Variants in ZC3H12B observed in about 807,000 individuals in gnomAD.
The protein encoded by ZC3H12B is zinc finger CCCH-type containing 12B.
In ZC3H12B, 7 loss-of-function variants were observed where a neutral mutation model predicts 43.9. The ratio of observed to expected loss-of-function variants is 0.16; its 90% CI spans 0.09 to 0.30. The LOEUF (loss-of-function observed/expected upper bound fraction) is 0.30. ZC3H12B is among the 10% of genes least tolerant of loss of function. ZC3H12B has a pLI of 1.00. For synonymous variants in ZC3H12B, 222 were observed against 241.7 expected (o/e 0.92, Z 0.76); for missense variants, 475 against 670.2 (o/e 0.71, Z 3.22).
At chrX:65,452,841 AACAC>A (rs111853414) in intron 3 of ZC3H12B, among the ~76,000 whole-genome samples, 13,244 of 92,101 alleles carry the variant, frequency 0.14, 2,282 homozygotes, top group African/African-American at 0.49. Flanking sequence ...ACTCCATCTA[AACAC>A]ACACACACAC....
chrX:65,472,060 C>T (rs754908390), intron 3 of ZC3H12B, among the ~76,000 whole-genome samples: 2 of 111,549 alleles, frequency 1.8e-5, no homozygotes, highest in Non-Finnish European at 1.9e-5. Flanking sequence ...ATTTCTCCTT[C>T]ATTTATGAAA....
chrX:65,241,072 G>C, the ZC3H12B span, among the ~76,000 whole-genome samples: 2 of 112,031 alleles, frequency 1.8e-5, no homozygotes, highest in Non-Finnish European at 3.8e-5. Flanking sequence ...GCTGGTTTTG[G>C]GTAGAGCAGG....
chrX:65,268,731 G>T, the ZC3H12B span, among the ~76,000 whole-genome samples: 2 of 111,488 alleles, frequency 1.8e-5, no homozygotes, highest in Non-Finnish European at 3.8e-5. Flanking sequence ...AACAATTTAG[G>T]TATAGAAGGA....
At chrX:65,124,738 A>G in the ZC3H12B span, among the ~76,000 whole-genome samples, 5 of 110,825 alleles carry the variant, frequency 4.5e-5, no homozygotes, top group Non-Finnish European at 9.5e-5. Flanking sequence ...TCAGAAATTT[A>G]TCCATATCCT....
rs138731235 is a variant in ZC3H12B, at chrX:65,433,022, C to T, written n.407+34318C>T. On this transcript the variant is annotated intron_variant and non_coding_transcript_variant, in intron 3 of 5. Transcript: ENST00000617377. ...CAGTAGAGTTGTATTACTGGCTTTG[C>T]CAGCTGAAAGCAAACTGCTTCTTGT... Among the ~76,000 whole-genome samples, 128 of 112,276 alleles carry T rather than the reference C, an allele frequency of 1.1e-3. No homozygotes were observed. In the Middle Eastern group the frequency reaches 0.041, roughly 36 times the overall value.
At chrX:65,202,140 A>G in the ZC3H12B span, among the ~76,000 whole-genome samples, 1 of 97,313 alleles carries the variant, frequency 1.0e-5, no homozygotes, top group Non-Finnish European at 2.0e-5. Context: ...TATATTTTAT[A>G]TAATATGAAA....
At chrX:65,416,850 G>A (rs2066968697) in intron 3 of ZC3H12B, among the ~76,000 whole-genome samples, 1 of 110,673 alleles carries the variant, frequency 9.0e-6, no homozygotes, top group Non-Finnish European at 1.9e-5. Flanking sequence ...AGAACTCTGG[G>A]GCAGAGCTCC....
chrX:65,464,849 C>T (rs1387130651), intron 3 of ZC3H12B, among the ~76,000 whole-genome samples: 1 of 111,044 alleles, frequency 9.0e-6, no homozygotes, highest in Non-Finnish European at 1.9e-5. Flanking sequence ...TTCTAATCTC[C>T]TTTGTGGTTT....
chrX:65,174,979 C>T, the ZC3H12B span, among the ~76,000 whole-genome samples: 349 of 111,842 alleles, frequency 3.1e-3, 2 homozygotes, highest in South Asian at 0.027. Flanking sequence ...CTTTCTGCTC[C>T]AAAAACCACC....
the ZC3H12B span, among the ~76,000 whole-genome samples, chrX:65,338,581 A>G: frequency 1.8e-5 from 2 of 112,199 alleles, no homozygotes; most frequent in Non-Finnish European, 3.8e-5. Flanking sequence ...CTCTATGCCA[A>G]TATCTCTGAA....
chrX:65,282,480 T>C, the ZC3H12B span, among the ~76,000 whole-genome samples: 1 of 111,051 alleles, frequency 9.0e-6, no homozygotes, highest in Non-Finnish European at 1.9e-5. Context: ...AAGGAAGAAG[T>C]AAAATTATTA....
chrX:65,326,522 C>T, the ZC3H12B span, among the ~76,000 whole-genome samples: 116 of 106,830 alleles, frequency 1.1e-3, no homozygotes, highest in Non-Finnish European at 1.8e-3. Flanking sequence ...AGGGTAGGGA[C>T]GATAAAGAGA....
At chrX:65,051,171 T>A in the ZC3H12B span, among the ~76,000 whole-genome samples, 1 of 112,070 alleles carries the variant, frequency 8.9e-6, no homozygotes, top group African/African-American at 3.2e-5. Flanking sequence ...TTTCTTTTAA[T>A]CCTGTTAATT....
chrX:65,284,803 G>A, the ZC3H12B span, among the ~76,000 whole-genome samples: 3 of 110,232 alleles, frequency 2.7e-5, no homozygotes, highest in South Asian at 1.1e-3. Flanking sequence ...ATTTTTAAAA[G>A]AACCAAATAG....
chrX:65,166,034 CT>C, the ZC3H12B span, among the ~76,000 whole-genome samples: 1 of 101,263 alleles, frequency 9.9e-6, no homozygotes, highest in South Asian at 3.8e-4. Flanking sequence ...ATTTGTATTT[CT>C]TTTTCTTTCT....
chrX:65,072,034 C>A, the ZC3H12B span, among the ~76,000 whole-genome samples: 2 of 112,083 alleles, frequency 1.8e-5, no homozygotes, highest in African/African-American at 6.5e-5. Context: ...TGGATGATAT[C>A]TTGAAATATA....
At chrX:65,038,197 A>C in the ZC3H12B span, among the ~76,000 whole-genome samples, 1 of 111,665 alleles carries the variant, frequency 9.0e-6, no homozygotes, top group Admixed American at 9.5e-5. Flanking sequence ...ATTTACTCTG[A>C]GGAACAATAT....
the ZC3H12B span, among the ~76,000 whole-genome samples, chrX:65,300,366 G>A: frequency 9.0e-6 from 1 of 111,700 alleles, no homozygotes; most frequent in Admixed American, 9.4e-5. Flanking sequence ...TGCTGCGTGG[G>A]AGCTGGGTGA....
chrX:65,151,712 A>T, the ZC3H12B span, among the ~76,000 whole-genome samples: 1 of 111,564 alleles, frequency 9.0e-6, no homozygotes, highest in Admixed American at 9.6e-5. Context: ...AAAAGAAGGA[A>T]TCCTCCCTAA....
Sources: allele counts gnomAD v4.1 joint callset (sites outside exome capture counted in the v4.1 genomes callset), GRCh38; gene constraint gnomAD v4.1.1; transcripts MANE v1.5; gene names NCBI Gene and HGNC (gene_info 2026-07-23, HGNC 2026-07-21).